Variants in VEGFC observed in about 807,000 individuals in gnomAD.
The protein encoded by VEGFC is vascular endothelial growth factor C.
In VEGFC, 12 loss-of-function variants were observed where a neutral mutation model predicts 46.1. The observed-to-expected ratio is 0.26, with a 90% confidence interval of 0.17 to 0.42. The LOEUF is 0.42. Ranked by LOEUF, VEGFC falls within the 10% of genes least tolerant of loss-of-function variation. The pLI is 1.00. For synonymous variants in VEGFC, 232 were observed against 195.5 expected (o/e 1.19, Z -1.56); for missense variants, 488 against 529.4 (o/e 0.92, Z 0.77).
chr4:176,689,214 T>C (rs1579084541), intron 4 of VEGFC: 1 of 152,164 alleles, frequency 6.6e-6, no homozygotes, highest in South Asian at 2.1e-4. Flanking sequence ...TGATAGAACA[T>C]AGTAAGAATC....
chr4:176,784,295 C>A (rs546653061), intron 1 of VEGFC, among the ~76,000 whole-genome samples: 1 of 151,912 alleles, frequency 6.6e-6, no homozygotes, highest in South Asian at 2.1e-4. Context: ...GTCTCAAACT[C>A]CTGGGTTCAA....
intron 1 of VEGFC, among the ~76,000 whole-genome samples, chr4:176,734,899 G>T (rs992591689): frequency 6.6e-6 from 1 of 151,480 alleles, no homozygotes; most frequent in Admixed American, 6.6e-5. Context: ...TTATGCCTTT[G>T]TATGAAAGCA....
chr4:176,767,140 A>AAAC (rs1735641498), intron 1 of VEGFC, among the ~76,000 whole-genome samples: 2 of 149,506 alleles, frequency 1.3e-5, no homozygotes, highest in African/African-American at 2.4e-5. Flanking sequence ...AAAAAAAAAA[A>AAAC]AAAACAACCA....
intron 4 of VEGFC, among the ~76,000 whole-genome samples, chr4:176,710,010 T>C (rs946022058): frequency 6.6e-6 from 1 of 151,054 alleles, no homozygotes; most frequent in Non-Finnish European, 1.5e-5. Flanking sequence ...GAAGAAGAAG[T>C]AATGACAACT....
intron 1 of VEGFC, among the ~76,000 whole-genome samples, chr4:176,763,775 C>T (rs1735570570): frequency 6.6e-6 from 1 of 152,084 alleles, no homozygotes; most frequent in Admixed American, 6.5e-5. Context: ...ACTAAATTTA[C>T]TATGTGATGG....
In VEGFC at chr4:176,762,006, G is replaced by A. The variant is rs141542661; in HGVS notation, c.147+30159C>T. 3.0e-3 allele frequency among the ~76,000 whole-genome samples: 454 copies of A among 152,264 alleles called. 4 individuals carry two copies. Among genetic ancestry groups the A allele is most frequent in the African/African-American group, 0.01 (425 of 41,564 alleles). On this transcript the variant is annotated intron_variant, in intron 1 of 6. Coordinates refer to ENST00000618562, the MANE Select transcript of VEGFC (RefSeq NM_005429.5). ...TAGAATGCATTTATTCTGTGCCAGCGAAGCTCAGGGAAGAGGTGGAAATCT... is the reference window on the plus strand; with the variant it reads ...TAGAATGCATTTATTCTGTGCCAGCAAAGCTCAGGGAAGAGGTGGAAATCT...
In VEGFC at chr4:176,710,130, G is replaced by T. The variant is rs73872159; in HGVS notation, c.704+1369C>A. On this transcript the variant is annotated intron_variant, in intron 4 of 6. Coordinates refer to ENST00000618562, the MANE Select transcript of VEGFC (RefSeq NM_005429.5). The stretch of plus-strand genomic sequence containing the variant: ...GTACTTACAGCTAATATAATTACAA[G>T]CAAAGCAATAGAAGATAGATTTAGA... Among the ~76,000 whole-genome samples, 309 of 152,228 alleles carry T rather than the reference G, an allele frequency of 2.0e-3. 3 individuals are homozygous for T. Among genetic ancestry groups the T allele is most frequent in the African/African-American group, 7.2e-3 (300 of 41,534 alleles).
At chr4:176,759,851 A>C (rs1464483330) in intron 1 of VEGFC, among the ~76,000 whole-genome samples, 1 of 152,136 alleles carries the variant, frequency 6.6e-6, no homozygotes, top group African/African-American at 2.4e-5. Context: ...TTGCCAGTGA[A>C]ATAAATTTAA....
intron 1 of VEGFC, among the ~76,000 whole-genome samples, chr4:176,780,387 A>AAAAAAAAACAAAC (rs1553997804): frequency 8.7e-6 from 1 of 114,758 alleles, no homozygotes; most frequent in Non-Finnish European, 1.7e-5. Context: ...ATCTCAAAAA[A>AAAAAAAAACAAAC]AAAAAAAAAA....
intron 3 of VEGFC, among the ~76,000 whole-genome samples, chr4:176,719,186 A>G (rs1734741293): frequency 6.6e-6 from 1 of 152,218 alleles, no homozygotes; most frequent in Non-Finnish European, 1.5e-5. Flanking sequence ...TGAAGTATCT[A>G]TAAAAAACTT....
chr4:176,694,787 C>T (rs1424656283), intron 4 of VEGFC, among the ~76,000 whole-genome samples: 1 of 143,084 alleles, frequency 7.0e-6, no homozygotes, highest in Non-Finnish European at 1.5e-5. Context: ...ATCTCTCAGA[C>T]CACAGTGCAA....
intron 4 of VEGFC, among the ~76,000 whole-genome samples, chr4:176,708,311 T>G (rs1734570563): frequency 6.6e-6 from 1 of 152,016 alleles, no homozygotes; most frequent in Admixed American, 6.6e-5. Context: ...ATTATAAATT[T>G]ATGTTAGCTG....
At chr4:176,734,581 C>T (rs938526672) in intron 1 of VEGFC, among the ~76,000 whole-genome samples, 1 of 151,588 alleles carries the variant, frequency 6.6e-6, no homozygotes, top group Non-Finnish European at 1.5e-5. Context: ...CTTTTGTGGA[C>T]AATCAATGTC....
At chr4:176,747,593 A>G (rs1248385690) in intron 1 of VEGFC, among the ~76,000 whole-genome samples, 1 of 152,002 alleles carries the variant, frequency 6.6e-6, no homozygotes, top group Non-Finnish European at 1.5e-5. Context: ...GGAGTTCAAG[A>G]CCATCCTGGG....
chr4:176,743,920 A>G lies in VEGFC; in HGVS notation c.148-14174T>C, dbSNP rs149258927. ...GTGGACTCCATATTTAAGTCCACAC[A>G]AATTTATCAATATTTTCATTTCCAA... On this transcript the variant is annotated intron_variant, in intron 1 of 6. Transcript: ENST00000618562. Among the ~76,000 whole-genome samples, 1,099 of 152,122 alleles carry G rather than the reference A, an allele frequency of 7.2e-3. 14 individuals carry two copies. The highest frequency in any genetic ancestry group is 0.013 in the Non-Finnish European group (905 of 67,954).
In VEGFC at chr4:176,711,622, T is replaced by C; in HGVS notation, c.581A>G (p.Gln194Arg). The C allele has an allele frequency of 6.2e-7, 1 of 1,613,496 alleles. No homozygotes were observed. Among genetic ancestry groups the C allele is most frequent in the South Asian group, 1.1e-5 (1 of 91,016 alleles). Residue 194 changes from glutamine (Q) to arginine (R), a missense_variant, in exon 4 of 7, where the codon CAA (glutamine) becomes CGA (arginine). Gln to Arg is a conservative substitution (Grantham distance 43). Transcript: ENST00000618562. ...TLFEITVPLS[Q>R]GPKPVTISFA... ...ACTGATTGTTACTGGTTTGGGGCCT[T>C]GAGAGAGAGGCACTGTAATTTCAAA...
At chr4:176,688,062 T>C in intron 4 of VEGFC, 135 bp from the exon 5 acceptor site, 1 of 546,100 alleles carries the variant, frequency 1.8e-6, no homozygotes, top group Middle Eastern at 2.9e-4. Flanking sequence ...AAAATGTGAA[T>C]GTTTTCTCCC....
At chr4:176,715,997 A>C (rs1307866754) in intron 3 of VEGFC, among the ~76,000 whole-genome samples, 2 of 152,078 alleles carry the variant, frequency 1.3e-5, no homozygotes, top group Non-Finnish European at 2.9e-5. Context: ...CCAAGCCTCC[A>C]TTTCATTACC....
chr4:176,745,062 C>A (rs889794078), intron 1 of VEGFC, among the ~76,000 whole-genome samples: 1 of 152,030 alleles, frequency 6.6e-6, no homozygotes, highest in Non-Finnish European at 1.5e-5. Context: ...GTCCTACGTG[C>A]TAGTAACTGA....
Sources: gnomAD v4.1 joint callset for allele counts (sites outside exome capture counted in the v4.1 genomes callset) on GRCh38, gnomAD v4.1.1 for gene constraint, MANE v1.5 for transcripts, NCBI Gene and HGNC (gene_info 2026-07-23, HGNC 2026-07-21) for gene names.